U2AF1L4: variants seen among roughly 807,000 people sequenced by gnomAD.
U2AF1L4 encodes U2 small nuclear RNA auxiliary factor 1 like 4.
In U2AF1L4, 21 loss-of-function variants were observed where a neutral mutation model predicts 21.7. The observed-to-expected ratio is 0.97, with a 90% CI of 0.69 to 1.39. U2AF1L4 has a LOEUF of 1.39. U2AF1L4 is among the 40% of genes most tolerant of loss of function. The pLI is 0.00. For missense variants in U2AF1L4, 259 were observed against 245.7 expected, an observed-to-expected ratio of 1.05 and a Z score of -0.36; for synonymous variants, 92 against 89.7, an observed-to-expected ratio of 1.03 and a Z score of -0.15.
At chr19:35,743,112 C>T (rs62109456) in intron 5 of U2AF1L4, 2 of 415,496 alleles carry the variant, frequency 4.8e-6, no homozygotes, top group Non-Finnish European at 8.6e-6. Flanking sequence ...GTGGTTCACG[C>T]CTGTAATCCC....
At chr19:35,744,583 T>TG in intron 2 of U2AF1L4, 162 bp from the exon 3 acceptor site, 2 of 1,543,812 alleles carry the variant, frequency 1.3e-6, no homozygotes, top group Non-Finnish European at 8.7e-7. Flanking sequence ...TGTAGCCTAC[T>TG]GGGGGCTGTT....
chr19:35,742,904 G>C, intron 5 of U2AF1L4, 101 bp from the exon 6 acceptor site: 1 of 1,101,334 alleles, frequency 9.1e-7, no homozygotes, highest in Admixed American at 2.2e-5. Flanking sequence ...GGAGGGTGCT[G>C]AAATAACTAG....
At position 35,742,708 on chromosome 19, in the gene U2AF1L4, G is replaced by A. The variant is rs1268578324; in HGVS notation, c.*11C>T. The A allele has an allele frequency of 6.2e-7, 1 of 1,610,792 alleles. No homozygotes were observed. Among genetic ancestry groups the A allele is most frequent in the East Asian group, 2.2e-5 (1 of 44,860 alleles). The stretch of plus-strand genomic sequence containing the variant: ...TCCCTGTTGGGGGTGAAGGGTAAGG[G>A]GGCCAGGGCCTCAGAAGCGGCCATG... On this transcript the variant is annotated 3_prime_UTR_variant, in exon 6 of 6. Transcript: ENST00000378975.
chr19:35,745,119 TCTCACCTGG>T lies in U2AF1L4; in HGVS notation c.129_132+5del. On this transcript the variant is annotated splice_donor_variant and splice_donor_5th_base_variant and coding_sequence_variant and intron_variant, in exon 2 of 6. Coordinates refer to ENST00000378975, the MANE Select transcript of U2AF1L4 (RefSeq NM_001040425.3). LOFTEE classifies it high-confidence loss of function. ...TTAACCCCCGAGGCTCCGTGCCGGG[TCTCACCTGG>T]CTGAATGTCGGCTTGTTGTGAAGCC... is the stretch of plus-strand genomic sequence containing the variant. 1 of 1,612,418 alleles carries T rather than the reference TCTCACCTGG, an allele frequency of 6.2e-7. No individual in the cohort carries two copies. Among genetic ancestry groups the T allele is most frequent in the Non-Finnish European group, 8.5e-7 (1 of 1,179,762 alleles).
Position 35,742,640 on chromosome 19 carries a change from G to A in U2AF1L4, c.*79C>T, listed in dbSNP as rs1443688968. On this transcript the variant is annotated 3_prime_UTR_variant, in exon 6 of 6. Transcript: ENST00000378975. ...GGAGCCTGGGAAGGATGGGGCAGGAGAGTGAAGGGGGCTTTGAGGAGAGGT... is the reference window on the plus strand; with the variant it reads ...GGAGCCTGGGAAGGATGGGGCAGGAAAGTGAAGGGGGCTTTGAGGAGAGGT... The A allele has an allele frequency of 1.2e-6, 2 of 1,613,762 alleles. No individual in the cohort carries two copies. The highest frequency in any genetic ancestry group is 1.7e-5 in the Admixed American group (1 of 60,002).
Position 35,745,240 on chromosome 19 carries a change from A to T in U2AF1L4, c.45-28T>A, listed in dbSNP as rs1970519804. Reference sequence around the variant, plus strand: ...GGAAAAGGTGCAAAGACAAAGGTGAACCGAGGGCCGGGGAAGCTGGGCACC... The same window carrying T: ...GGAAAAGGTGCAAAGACAAAGGTGATCCGAGGGCCGGGGAAGCTGGGCACC... On this transcript the variant is annotated intron_variant, in intron 1 of 5. Transcript: ENST00000378975. The T allele has an allele frequency of 3.1e-6, 5 of 1,611,464 alleles. No individual in the cohort carries two copies. In the East Asian group the frequency reaches 1.1e-4, roughly 36 times the overall value.
intron 3 of U2AF1L4, 62 bp from the exon 4 acceptor site, chr19:35,744,207 C>G: frequency 6.2e-7 from 1 of 1,606,182 alleles, no homozygotes. Flanking sequence ...GACTCACTAC[C>G]CGCTCTGGGG....
rs770820246 is a variant in U2AF1L4 at position 35,745,246 on chromosome 19, G to A, written c.45-34C>T. The A allele has an allele frequency of 5.0e-6, 8 of 1,609,616 alleles. No homozygotes were observed. In the East Asian group the frequency reaches 1.3e-4, roughly 27 times the overall value. On this transcript the variant is annotated intron_variant, in intron 1 of 5. Transcript: ENST00000378975. ...GGTGCAAAGACAAAGGTGAACCGAG[G>A]GCCGGGGAAGCTGGGCACCCCAGAA...
chr19:35,742,993 G>T, intron 5 of U2AF1L4, 190 bp from the exon 6 acceptor site: 1 of 640,460 alleles, frequency 1.6e-6, no homozygotes. Context: ...CAGGCTGGTC[G>T]TGGATTAGGG....
In U2AF1L4 at chr19:35,744,427, G is replaced by A. The variant is rs553980213; in HGVS notation, c.133-6C>T. The A allele has an allele frequency of 1.7e-5, 28 of 1,614,092 alleles. No homozygotes were observed. In the East Asian group the frequency reaches 2.7e-4, roughly 15 times the overall value. ...TGCAGTTCTGTGAACACCTCCTGTG[G>A]AAGACGGGGAGGAACTCAGCTGAGC... On this transcript the variant is annotated splice_polypyrimidine_tract_variant and splice_region_variant and intron_variant, in intron 2 of 5. Coordinates refer to ENST00000378975, the MANE Select transcript of U2AF1L4 (RefSeq NM_001040425.3).
At position 35,743,893 on chromosome 19, in the gene U2AF1L4, C is replaced by G; in HGVS notation, c.377G>C (p.Arg126Pro). The G allele has an allele frequency of 1.2e-6, 2 of 1,613,540 alleles. No homozygotes were observed. Among genetic ancestry groups the G allele is most frequent in the Non-Finnish European group, 8.5e-7 (1 of 1,179,764 alleles). The change falls in exon 5 of 6, where the codon CGA (arginine) becomes CCA (proline). Residue 126 changes from arginine (R) to proline (P), a missense_variant. Arg to Pro is a moderately radical substitution (Grantham distance 103, BLOSUM62 -2). Transcript: ENST00000378975. ...CRQYEMGECT[R>P]GGFCNFMHLR... ...ATGCATGAAGTTGCAGAAGCCACCT[C>G]GGGTACATTCCCTGCATAGAGGGTA...
At position 35,744,093 on chromosome 19, in the gene U2AF1L4, CA is replaced by C. The variant is rs747364534; in HGVS notation, c.283del (p.Trp95GlyfsTer128). 2 of 1,614,032 alleles carry C rather than the reference CA, an allele frequency of 1.2e-6. No individual in the cohort carries two copies. The highest frequency in any genetic ancestry group is 1.1e-5 in the South Asian group (1 of 91,086). ...ERAVAELSNR[W>X]FNGQAVHGEL... ...ACCGTGCACAGCCTGCCCGTTGAACCAGCGGTTACTGAGTTCAGCCACGGCC... is the reference window on the plus strand; with the variant it reads ...ACCGTGCACAGCCTGCCCGTTGAACCGCGGTTACTGAGTTCAGCCACGGCC... On this transcript the variant is annotated frameshift_variant, in exon 4 of 6. Transcript: ENST00000378975. LOFTEE classifies it high-confidence loss of function.
rs534139324 is a variant in U2AF1L4, at chr19:35,743,718, G to C, written c.461+91C>G. 8.9e-5 allele frequency: 86 copies of C among 968,120 alleles called. No homozygotes were observed. In the East Asian group the frequency reaches 1.1e-3, roughly 12 times the overall value. The allele number at this position is 968,120 out of a possible 1,614,324, so 60.0% of individuals were successfully genotyped here. On this transcript the variant is annotated intron_variant, in intron 5 of 5. Transcript: ENST00000378975. ...AAAAAAAAAAAAAAAAGATTCTTGG[G>C]AACGTGGTTACTGGGGCTTAGGGTT...
At chr19:35,743,701 A>AG in intron 5 of U2AF1L4, 108 bp downstream of exon 5, 1 of 967,194 alleles carries the variant, frequency 1.0e-6, no homozygotes, top group Non-Finnish European at 1.5e-6. Context: ...AAAAAAAAAA[A>AG]AAAAAAAGAT....
chr19:35,743,836 T>G lies in U2AF1L4; in HGVS notation c.434A>C (p.Gln145Pro). The G allele has an allele frequency of 6.2e-7, 1 of 1,613,130 alleles. No individual in the cohort carries two copies. The highest frequency in any genetic ancestry group is 1.1e-5 in the South Asian group (1 of 90,862). Residue 145 changes from glutamine (Q) to proline (P), a missense_variant, in exon 5 of 6, where the codon CAG (glutamine) becomes CCG (proline). By Grantham distance (76) the Gln-to-Pro change is moderately conservative (BLOSUM62 -1). Coordinates refer to ENST00000378975, the MANE Select transcript of U2AF1L4 (RefSeq NM_001040425.3). ...GCGCCTGGGTCCCCGCCCATAGAGC[T>G]GCCTCTGGAGGTTCTGGGAAATGGG... ...LRPISQNLQR[Q>P]LYGRGPRRRS...
In U2AF1L4 at chr19:35,745,409, A is replaced by G. The variant is rs376506863; in HGVS notation, c.-18T>C. The stretch of plus-strand genomic sequence containing the variant: ...TCAGCCATTTTTACCCAAGCCCTCC[A>G]GGTCTGGCTGCTCTTACGTCACTTC... On this transcript the variant is annotated 5_prime_UTR_variant, in exon 1 of 6. Coordinates refer to ENST00000378975, the MANE Select transcript of U2AF1L4 (RefSeq NM_001040425.3). 6.2e-7 allele frequency: 1 copy of G among 1,614,028 alleles called. No homozygotes were observed.
chr19:35,743,018 G>T, intron 5 of U2AF1L4: 1 of 610,242 alleles, frequency 1.6e-6, no homozygotes, highest in Non-Finnish European at 2.9e-6. Flanking sequence ...AGGCTGGTTT[G>T]GGGATTGGGA....
Position 35,742,674 on chromosome 19 carries a change from G to A in U2AF1L4, c.*45C>T, listed in dbSNP as rs934694750. On this transcript the variant is annotated 3_prime_UTR_variant, in exon 6 of 6. Coordinates refer to ENST00000378975, the MANE Select transcript of U2AF1L4 (RefSeq NM_001040425.3). ...GGGCTTTGAGGAGAGGTCCTGCCAG[G>A]AACATCTGTCCCTGTTGGGGGTGAA... The A allele has an allele frequency of 6.2e-7, 1 of 1,612,964 alleles. No individual in the cohort carries two copies.
Position 35,744,087 on chromosome 19 carries a change from T to C in U2AF1L4, c.290A>G (p.Asn97Ser). 6.2e-7 allele frequency: 1 copy of C among 1,613,982 alleles called. No individual in the cohort carries two copies. Among genetic ancestry groups the C allele is most frequent in the Non-Finnish European group, 8.5e-7 (1 of 1,180,018 alleles). Residue 97 changes from asparagine (N) to serine (S), a missense_variant, in exon 4 of 6, where the codon AAC (asparagine) becomes AGC (serine). By Grantham distance (46) the Asn-to-Ser change is conservative. Coordinates refer to ENST00000378975, the MANE Select transcript of U2AF1L4 (RefSeq NM_001040425.3). ...CAGCTCACCGTGCACAGCCTGCCCG[T>C]TGAACCAGCGGTTACTGAGTTCAGC... Reference protein sequence around the residue: ...AVAELSNRWFNGQAVHGELSP... With the variant: ...AVAELSNRWFSGQAVHGELSP...
Sources: gnomAD v4.1 joint callset for allele counts on GRCh38, gnomAD v4.1.1 for gene constraint, MANE v1.5 for transcripts, NCBI Gene and HGNC (gene_info 2026-07-23, HGNC 2026-07-21) for gene names.